Variants in MRE11 observed in about 807,000 individuals in gnomAD.
MRE11 encodes the protein MRE11 double strand break repair nuclease, also known as double-strand break repair protein MRE11.
Under a neutral mutation model 91.7 loss-of-function variants are expected in MRE11, and 62 were observed. The ratio of observed to expected loss-of-function variants is 0.68; its 90% CI spans 0.55 to 0.84. The LOEUF is 0.84. Ranked by LOEUF, MRE11 falls within the 40% of genes least tolerant of loss-of-function variation. The pLI is 0.00. For synonymous variants in MRE11, 273 were observed against 271.4 expected (o/e 1.01, Z -0.06); for missense variants, 796 against 852.9 (o/e 0.93, Z 0.83).
the MRE11 span, among the ~76,000 whole-genome samples, chr11:94,510,931 G>C: frequency 6.6e-6 from 1 of 152,184 alleles, no homozygotes; most frequent in Non-Finnish European, 1.5e-5. Flanking sequence ...AGGGATTTTT[G>C]TATGTTTTGT....
At chr11:94,425,133 G>T (rs1345871840) in intron 19 of MRE11, among the ~76,000 whole-genome samples, 1 of 152,162 alleles carries the variant, frequency 6.6e-6, no homozygotes, top group East Asian at 1.9e-4. Flanking sequence ...AACCCCATCA[G>T]GCTACCAGCG....
chr11:94,422,768 C>CA (rs918650278), intron 19 of MRE11, among the ~76,000 whole-genome samples: 7 of 151,786 alleles, frequency 4.6e-5, no homozygotes, highest in Admixed American at 3.9e-4. Context: ...GGCTGGAGTG[C>CA]AATGGTGCAA....
rs373325204 is a variant in MRE11, at chr11:94,438,129, A to AAAAACAAAAC, written c.1868-904_1868-895dup. On this transcript the variant is annotated intron_variant, in intron 16 of 19. Transcript: ENST00000323929. ...GGCAACAGAGCGAAACTCCGTCTCA[A>AAAAACAAAAC]AAAACAAAACAAAACAAAACAAAAC... Among the ~76,000 whole-genome samples, 37 of 152,144 alleles carry AAAAACAAAAC rather than the reference A, an allele frequency of 2.4e-4. No individual in the cohort carries two copies. In the East Asian group the frequency reaches 6.4e-3, roughly 26 times the overall value.
upstream of MRE11, chr11:94,498,194 A>G (rs1297720798): frequency 6.2e-7 from 1 of 1,614,050 alleles, no homozygotes; most frequent in Non-Finnish European, 8.5e-7. Flanking sequence ...TCAGGAGCTC[A>G]TTGCACAGGG....
At chr11:94,492,116 G>A (rs993077980) in intron 2 of MRE11, among the ~76,000 whole-genome samples, 7 of 152,054 alleles carry the variant, frequency 4.6e-5, no homozygotes, top group African/African-American at 7.2e-5. Flanking sequence ...AAGACTCCAA[G>A]TCTAAAGTCT....
chr11:94,461,643 AG>A (rs1946417488), intron 11 of MRE11, among the ~76,000 whole-genome samples: 1 of 152,218 alleles, frequency 6.6e-6, no homozygotes, highest in Non-Finnish European at 1.5e-5. Flanking sequence ...GGAGAAATAA[AG>A]GGTATTCAAT....
chr11:94,474,909 A>G (rs1467704280), intron 7 of MRE11, among the ~76,000 whole-genome samples: 1 of 152,184 alleles, frequency 6.6e-6, no homozygotes, highest in African/African-American at 2.4e-5. Context: ...GGGAAGCTCT[A>G]TGGAAGAGAA....
At chr11:94,423,380 G>C (rs1486331866) in intron 19 of MRE11, among the ~76,000 whole-genome samples, 1 of 152,082 alleles carries the variant, frequency 6.6e-6, no homozygotes. Flanking sequence ...AGGGGGATTG[G>C]CCCAAACAGT....
intron 15 of MRE11, 47 bp downstream of exon 15, chr11:94,447,172 C>T: frequency 2.6e-6 from 4 of 1,560,736 alleles, no homozygotes; most frequent in Non-Finnish European, 3.5e-6. Context: ...GTATTTTCCA[C>T]TCAACTGCCA....
At chr11:94,457,625 T>G (rs1367666398) in intron 13 of MRE11, among the ~76,000 whole-genome samples, 2 of 152,130 alleles carry the variant, frequency 1.3e-5, no homozygotes, top group East Asian at 3.9e-4. Flanking sequence ...GTGGGAACAC[T>G]GAACAGGCAC....
In MRE11 at chr11:94,490,946, T is replaced by C; in HGVS notation, c.40A>G (p.Lys14Glu). The C allele has an allele frequency of 2.0e-6, 3 of 1,490,942 alleles. No individual in the cohort carries two copies. Among genetic ancestry groups the C allele is most frequent in the Non-Finnish European group, 2.8e-6 (3 of 1,069,442 alleles). 92.4% of individuals were successfully genotyped at this position (1,490,942 alleles called of 1,614,324 possible). The change falls in exon 3 of 20, where the codon AAA becomes GAA. Residue 14 changes from lysine (K) to glutamate (E), a missense_variant. Lys to Glu is a moderately conservative substitution (Grantham distance 56). Transcript: ENST00000323929. ...TGAATATCTGTTGCAACTAATATTT[T>C]AAATGTGTTTTCATCATCACTATAT... ...ADALDDENTF[K>E]ILVATDIHLG...
At chr11:94,428,051 C>A (rs1268774681) in intron 19 of MRE11, among the ~76,000 whole-genome samples, 1 of 152,140 alleles carries the variant, frequency 6.6e-6, no homozygotes, top group Non-Finnish European at 1.5e-5. Flanking sequence ...TTCTAAAATT[C>A]ACATGGAACC....
At chr11:94,468,949 C>G (rs905679484) in intron 9 of MRE11, among the ~76,000 whole-genome samples, 1 of 152,080 alleles carries the variant, frequency 6.6e-6, no homozygotes, top group Non-Finnish European at 1.5e-5. Flanking sequence ...ATCATTTTGC[C>G]AGGTACTAGG....
chr11:94,503,226 C>T, the MRE11 span, among the ~76,000 whole-genome samples: 2 of 152,036 alleles, frequency 1.3e-5, no homozygotes, highest in Non-Finnish European at 2.9e-5. Context: ...AACTACTTCC[C>T]GTTTACCCTT....
At chr11:94,498,067 T>C, upstream of MRE11, 7 of 1,555,748 alleles carry the variant, frequency 4.5e-6, no homozygotes, top group Non-Finnish European at 6.1e-6. Flanking sequence ...TTTTTTCTTC[T>C]CAGCTTACCA....
In MRE11 at chr11:94,470,572, G is replaced by A. The variant is rs1343179190; in HGVS notation, c.916C>T (p.Gln306Ter). ...MHKIPLHTVR[Q>*]FFMEDIVLAN... ...AGAACAATATCCTCCATGAAAAACT[G>A]CCGCACTGTGTGAAGAGGAATTTTA... Residue 306 changes from glutamine (Q) to a stop codon, truncating the protein, a stop_gained, in exon 9 of 20, where the codon CAG becomes TAG. Transcript: ENST00000323929. LOFTEE classifies it high-confidence loss of function. 1.2e-6 allele frequency: 2 copies of A among 1,613,252 alleles called. No homozygotes were observed. Among genetic ancestry groups the A allele is most frequent in the African/African-American group, 2.7e-5 (2 of 74,984 alleles).
At chr11:94,482,563 GT>G (rs1271941508) in intron 4 of MRE11, among the ~76,000 whole-genome samples, 1 of 152,212 alleles carries the variant, frequency 6.6e-6, no homozygotes, top group African/African-American at 2.4e-5. Flanking sequence ...AGGTAAACAT[GT>G]ATATAGGGTG....
upstream of MRE11, chr11:94,498,018 AG>A: frequency 7.4e-7 from 1 of 1,357,074 alleles, no homozygotes; most frequent in Non-Finnish European, 1.0e-6. Flanking sequence ...ATTTTGTTTT[AG>A]TTATTGTTTT....
At chr11:94,501,668 G>A in the MRE11 span, among the ~76,000 whole-genome samples, 1 of 151,572 alleles carries the variant, frequency 6.6e-6, no homozygotes, top group African/African-American at 2.4e-5. Context: ...TCATTCCCTG[G>A]AGGCACAGAA....
Sources: gnomAD v4.1 joint callset for allele counts (sites outside exome capture counted in the v4.1 genomes callset) on GRCh38, gnomAD v4.1.1 for gene constraint, MANE v1.5 for transcripts, NCBI Gene and HGNC (gene_info 2026-07-23, HGNC 2026-07-21) for gene names.